Variants in LSG1 observed in about 807,000 individuals in gnomAD.
The protein encoded by LSG1 is large subunit GTPase 1 homolog.
In LSG1, 55 loss-of-function variants were observed where a neutral mutation model predicts 82.6. The observed-to-expected ratio is 0.67, with a 90% CI of 0.54 to 0.83. The LOEUF is 0.83. LSG1 is among the 40% of genes least tolerant of loss of function. The probability of loss-of-function intolerance (pLI) is 0.00; values close to 1 mark genes in which losing one functional copy is unlikely to be tolerated. For missense variants in LSG1, 809 were observed against 807.9 expected (o/e 1.00, Z -0.02); for synonymous variants, 272 against 282.5 (o/e 0.96, Z 0.37).
At chr3:194,646,303 C>T in intron 11 of LSG1, 60 bp from the exon 12 acceptor site, 1 of 1,300,284 alleles carries the variant, frequency 7.7e-7, no homozygotes, top group Middle Eastern at 1.8e-4. Flanking sequence ...ACAAAGACAA[C>T]TGAGGTGATG....
At chr3:194,662,508 AC>A (rs1206319620) in intron 5 of LSG1, among the ~76,000 whole-genome samples, 1 of 152,156 alleles carries the variant, frequency 6.6e-6, no homozygotes, top group Non-Finnish European at 1.5e-5. Flanking sequence ...CATGCCTGTA[AC>A]CCCAGCACTT....
At position 194,650,923 on chromosome 3, in the gene LSG1, G is replaced by A. The variant is rs1718660098; in HGVS notation, c.1377C>T (p.Leu459=). The change falls in exon 10 of 14, where the codon CTC becomes CTT. Residue 459 remains leucine (L), a synonymous_variant. Transcript: ENST00000265245. The part of the protein sequence containing the change: ...TKAEMTCSGI[L]PIDQMRDHVP... ...CATGATCTCTCATCTGATCAATTGGGAGGATTCCGCTGCAAGTCATTTCTG... is the reference window on the plus strand; with the variant it reads ...CATGATCTCTCATCTGATCAATTGGAAGGATTCCGCTGCAAGTCATTTCTG... 6.2e-7 allele frequency: 1 copy of A among 1,614,168 alleles called. No individual in the cohort carries two copies. Among genetic ancestry groups the A allele is most frequent in the African/African-American group, 1.3e-5 (1 of 75,052 alleles).
intron 1 of LSG1, among the ~76,000 whole-genome samples, chr3:194,670,451 C>T (rs1263126176): frequency 6.6e-6 from 1 of 152,172 alleles, no homozygotes; most frequent in Non-Finnish European, 1.5e-5. Flanking sequence ...ACAGGTAGAA[C>T]TTGAACCCAG....
intron 5 of LSG1, among the ~76,000 whole-genome samples, chr3:194,664,128 T>C (rs1305718275): frequency 1.3e-5 from 2 of 152,142 alleles, no homozygotes; most frequent in Non-Finnish European, 2.9e-5. Context: ...TATTTTTGTA[T>C]TTTTAGTAGG....
intron 2 of LSG1, among the ~76,000 whole-genome samples, chr3:194,667,942 A>AAAAAAAAAAAAAAAAATATATAT (rs1416407494): frequency 3.4e-5 from 3 of 86,958 alleles, no homozygotes; most frequent in African/African-American, 1.4e-4. Context: ...AAAAAAAAAA[A>AAAAAAAAAAAAAAAAATATATAT]ATATATATAT....
At chr3:194,663,065 T>G (rs1205318306) in intron 5 of LSG1, among the ~76,000 whole-genome samples, 2 of 152,168 alleles carry the variant, frequency 1.3e-5, no homozygotes, top group Admixed American at 1.3e-4. Flanking sequence ...ATATAGGAAG[T>G]AGGACAAAAT....
intron 10 of LSG1, 62 bp from the exon 11 acceptor site, chr3:194,648,866 G>A (rs1345067778): frequency 4.9e-5 from 77 of 1,583,688 alleles, no homozygotes; most frequent in Middle Eastern, 1.7e-4. Context: ...CATACAAATC[G>A]TGCCTCAAAG....
rs374755565 is a variant in LSG1 at position 194,660,148 on chromosome 3, C to T, written c.522-15G>A. 32 of 1,608,250 alleles carry T rather than the reference C, an allele frequency of 2.0e-5. No individual in the cohort carries two copies. Among genetic ancestry groups the T allele is most frequent in the Middle Eastern group, 3.3e-4 (2 of 6,066 alleles). ...CCACAATATCACTGAAAAACAAACA[C>T]GAGATAGACCAATCACCGTGAAGTG... On this transcript the variant is annotated splice_polypyrimidine_tract_variant and intron_variant, in intron 5 of 13. Coordinates refer to ENST00000265245, the MANE Select transcript of LSG1 (RefSeq NM_018385.3).
intron 8 of LSG1, among the ~76,000 whole-genome samples, chr3:194,651,840 G>A (rs555180874): frequency 2.0e-5 from 3 of 152,280 alleles, no homozygotes; most frequent in South Asian, 2.1e-4. Flanking sequence ...AACTTTCCCC[G>A]TGTTCCTAAC....
chr3:194,661,172 T>A (rs1045519722), intron 5 of LSG1, among the ~76,000 whole-genome samples: 1 of 152,234 alleles, frequency 6.6e-6, no homozygotes, highest in African/African-American at 2.4e-5. Flanking sequence ...AATGTCAGCA[T>A]AATCCTCTGA....
chr3:194,661,235 G>C (rs557858648), intron 5 of LSG1, among the ~76,000 whole-genome samples: 1 of 152,164 alleles, frequency 6.6e-6, no homozygotes, highest in African/African-American at 2.4e-5. Flanking sequence ...AAGTTCTCTA[G>C]TTCAGCTGCT....
chr3:194,645,545 C>CACACACACAGACAG lies in LSG1; in HGVS notation c.1623+618_1623+619insCTGTCTGTGTGTGT, dbSNP rs1718518718. The CACACACACAGACAG allele has an allele frequency of 1.3e-4, 6 of 47,462 alleles. 1 individual carries two copies. The highest frequency in any genetic ancestry group is 1.7e-4 in the Non-Finnish European group (4 of 23,128). The allele number at this position is 47,462 out of a possible 1,614,324, so 2.9% of individuals were successfully genotyped here. A position where few individuals can be genotyped will look rare whatever the true frequency, so the allele number is the denominator to read the frequency against. On this transcript the variant is annotated intron_variant, in intron 12 of 13. Transcript: ENST00000265245. ...ACACACACACAGACAGACACACACA[C>CACACACACAGACAG]ACACACACACACACACACACACACA...
intron 12 of LSG1, among the ~76,000 whole-genome samples, chr3:194,645,607 C>T (rs928523498): frequency 7.3e-6 from 1 of 137,660 alleles, no homozygotes; most frequent in African/African-American, 2.7e-5. Context: ...CACACACACA[C>T]ACACACACAC....
chr3:194,650,448 T>C (rs1360764641), intron 10 of LSG1, among the ~76,000 whole-genome samples: 2 of 152,212 alleles, frequency 1.3e-5, no homozygotes, highest in Non-Finnish European at 2.9e-5. Flanking sequence ...GCGTTGCTTT[T>C]TGAGGACTAA....
chr3:194,656,676 C>G (rs1362212906), intron 7 of LSG1, among the ~76,000 whole-genome samples: 1 of 152,050 alleles, frequency 6.6e-6, no homozygotes, highest in African/African-American at 2.4e-5. Context: ...ATAAATCATG[C>G]TGCTATAAAG....
chr3:194,666,028 G>A (rs924424722), intron 4 of LSG1, among the ~76,000 whole-genome samples, 175 bp downstream of exon 4: 1 of 152,230 alleles, frequency 6.6e-6, no homozygotes, highest in Non-Finnish European at 1.5e-5. Context: ...GTGCAAGGAT[G>A]CATTTGCACC....
intron 12 of LSG1, among the ~76,000 whole-genome samples, chr3:194,645,601 C>CACACACACACACACACACACAGACAG (rs1560219947): frequency 5.5e-5 from 7 of 127,426 alleles, no homozygotes; most frequent in African/African-American, 2.1e-4. Flanking sequence ...CACACACACA[C>CACACACACACACACACACACAGACAG]ACACACACAC....
In LSG1 at chr3:194,667,942, AATATATATAT is replaced by A. The variant is rs763693435; in HGVS notation, c.227-1380_227-1371del. 2.0e-3 allele frequency among the ~76,000 whole-genome samples: 176 copies of A among 86,938 alleles called. 5 individuals carry two copies. Among genetic ancestry groups the A allele is most frequent in the African/African-American group, 5.4e-3 (111 of 20,706 alleles). 57.0% of individuals were successfully genotyped at this position (86,938 alleles called of 152,430 possible). A position where few individuals can be genotyped will look rare whatever the true frequency, so the allele number is the denominator to read the frequency against. The stretch of plus-strand genomic sequence containing the variant: ...CCGTCTCAAAAAAAAAAAAAAAAAA[AATATATATAT>A]ATATATATATATATATAGCTTTACT... On this transcript the variant is annotated intron_variant, in intron 2 of 13. Coordinates refer to ENST00000265245, the MANE Select transcript of LSG1 (RefSeq NM_018385.3).
intron 2 of LSG1, 135 bp from the exon 3 acceptor site, chr3:194,666,707 C>T (rs1719037537): frequency 1.5e-6 from 1 of 688,106 alleles, no homozygotes; most frequent in Non-Finnish European, 2.4e-6. Flanking sequence ...ATTCTTCTAG[C>T]CTTGGGTAAA....
Sources: gnomAD v4.1 joint callset for allele counts (sites outside exome capture counted in the v4.1 genomes callset) on GRCh38, gnomAD v4.1.1 for gene constraint, MANE v1.5 for transcripts, NCBI Gene and HGNC (gene_info 2026-07-23, HGNC 2026-07-21) for gene names.